The following DENND1A variants were observed in gnomAD, a reference collection of about 807,000 sequenced individuals.
DENND1A encodes the protein DENN domain-containing protein 1A.
In DENND1A, 51 loss-of-function variants were observed where a neutral mutation model predicts 113.7. That is an observed-to-expected ratio of 0.45 (90% CI 0.36 to 0.57). The LOEUF is 0.57. DENND1A is among the 20% of genes least tolerant of loss of function. The probability of loss-of-function intolerance (pLI) is 0.00; values close to 1 mark genes in which losing one functional copy is unlikely to be tolerated. For missense variants in DENND1A, 1,258 were observed against 1,395.9 expected (o/e 0.90, Z 1.57); for synonymous variants, 565 against 570.8 (o/e 0.99, Z 0.14).
At chr9:123,679,190 G>A (rs2064283884) in intron 5 of DENND1A, among the ~76,000 whole-genome samples, 1 of 152,186 alleles carries the variant, frequency 6.6e-6, no homozygotes, top group Non-Finnish European at 1.5e-5. Flanking sequence ...AATATTTGGT[G>A]AAGTGATATG....
intron 5 of DENND1A, among the ~76,000 whole-genome samples, chr9:123,719,110 C>T (rs1219976383): frequency 6.6e-6 from 1 of 152,204 alleles, no homozygotes; most frequent in Non-Finnish European, 1.5e-5. Flanking sequence ...CCTCCCCAGG[C>T]ATGAGGAACT....
Position 123,681,093 on chromosome 9 carries a change from G to A in DENND1A, c.303-4304C>T, listed in dbSNP as rs528140295. Among the ~76,000 whole-genome samples the A allele has an allele frequency of 3.8e-4, 58 of 152,240 alleles. No homozygotes were observed. The South Asian group carries it at 9.1e-3, about 24-fold the overall frequency. ...AGGGGCCTAGTAAGGGAAAGTCAGC[G>A]TCTGAGCAGGATGAGGAGGGAGTCT... On this transcript the variant is annotated intron_variant, in intron 5 of 23. Transcript: ENST00000394215.
chr9:123,823,835 G>T (rs571480721), intron 2 of DENND1A, among the ~76,000 whole-genome samples: 1 of 152,256 alleles, frequency 6.6e-6, no homozygotes, highest in African/African-American at 2.4e-5. Context: ...AACACCAAGA[G>T]AGACGGAGGG....
At chr9:123,615,698 C>T (rs916363972) in intron 10 of DENND1A, among the ~76,000 whole-genome samples, 8 of 152,154 alleles carry the variant, frequency 5.3e-5, no homozygotes, top group Non-Finnish European at 7.4e-5. Flanking sequence ...GGCTTTTGTC[C>T]GGGTTACCCA....
chr9:123,395,288 A>AAG (rs2043055784), intron 21 of DENND1A, among the ~76,000 whole-genome samples: 1 of 152,058 alleles, frequency 6.6e-6, no homozygotes, highest in South Asian at 2.1e-4. Context: ...TGCCAGGCAG[A>AAG]AGAGGCGACA....
chr9:123,595,733 A>G (rs551057123), intron 11 of DENND1A, among the ~76,000 whole-genome samples: 3 of 152,188 alleles, frequency 2.0e-5, no homozygotes, highest in African/African-American at 7.2e-5. Flanking sequence ...AGGGTTGTTG[A>G]AAAGATTGGG....
At chr9:123,612,841 C>G (rs2137846390) in intron 10 of DENND1A, among the ~76,000 whole-genome samples, 1 of 152,302 alleles carries the variant, frequency 6.6e-6, no homozygotes, top group African/African-American at 2.4e-5. Flanking sequence ...TAGTAGAAAT[C>G]TTTCAGGATT....
intron 2 of DENND1A, among the ~76,000 whole-genome samples, chr9:123,856,949 A>C (rs545266799): frequency 7.2e-5 from 11 of 152,288 alleles, no homozygotes; most frequent in South Asian, 6.2e-4. Flanking sequence ...AACTTGAATG[A>C]ATCGGTGGTA....
intron 1 of DENND1A, among the ~76,000 whole-genome samples, chr9:123,909,099 C>CA (rs1588193057): frequency 6.6e-6 from 1 of 151,018 alleles, no homozygotes; most frequent in African/African-American, 2.4e-5. Flanking sequence ...ATCGCAAGAA[C>CA]AAAAAACCAA....
At chr9:123,626,366 G>A (rs567646088) in intron 10 of DENND1A, among the ~76,000 whole-genome samples, 1 of 152,008 alleles carries the variant, frequency 6.6e-6, no homozygotes, top group Non-Finnish European at 1.5e-5. Context: ...GGGGGAGAGG[G>A]GATGGCAGCA....
At chr9:123,674,416 C>G (rs1391688116) in intron 6 of DENND1A, among the ~76,000 whole-genome samples, 1 of 151,288 alleles carries the variant, frequency 6.6e-6, no homozygotes, top group Non-Finnish European at 1.5e-5. Context: ...TCTTGCTTCC[C>G]AACCTTCCCA....
At chr9:123,794,670 T>C (rs1381722387) in intron 2 of DENND1A, among the ~76,000 whole-genome samples, 1 of 152,178 alleles carries the variant, frequency 6.6e-6, no homozygotes, top group African/African-American at 2.4e-5. Context: ...AGTATATTCT[T>C]CAATTTTTAA....
chr9:123,549,941 AC>A (rs2135842060), intron 13 of DENND1A, among the ~76,000 whole-genome samples: 1 of 152,318 alleles, frequency 6.6e-6, no homozygotes, highest in East Asian at 1.9e-4. Flanking sequence ...AAATCCGAAA[AC>A]AGTTTTTATT....
chr9:123,384,033 G>T lies in DENND1A; in HGVS notation c.1761-120C>A, dbSNP rs887079556. ...GCACGCAGGGGCCTGCGGGACAGGA[G>T]AGTGTCCCGGGGTCTCCGTGAGGGC... On this transcript the variant is annotated intron_variant, in intron 22 of 23. Transcript: ENST00000394215. The T allele has an allele frequency of 1.9e-5, 25 of 1,341,196 alleles. No homozygotes were observed. In the African/African-American group the frequency reaches 3.3e-4, roughly 18 times the overall value. The allele number at this position is 1,341,196 out of a possible 1,614,324, so 83.1% of individuals were successfully genotyped here. A position where few individuals can be genotyped will look rare whatever the true frequency, so the allele number is the denominator to read the frequency against.
At chr9:123,519,886 G>A (rs183917175) in intron 13 of DENND1A, among the ~76,000 whole-genome samples, 7 of 152,222 alleles carry the variant, frequency 4.6e-5, no homozygotes, top group East Asian at 1.9e-4. Flanking sequence ...CAGGCTGGGC[G>A]CGGTGGCTCA....
chr9:123,415,897 G>A (rs1455576018), intron 19 of DENND1A, among the ~76,000 whole-genome samples: 1 of 152,148 alleles, frequency 6.6e-6, no homozygotes, highest in Non-Finnish European at 1.5e-5. Flanking sequence ...GTCCCCAGCT[G>A]GGGACACAGA....
chr9:123,562,723 A>G (rs1434734633), intron 12 of DENND1A, among the ~76,000 whole-genome samples: 1 of 152,150 alleles, frequency 6.6e-6, no homozygotes, highest in African/African-American at 2.4e-5. Flanking sequence ...TTTTTCTTTA[A>G]TAGTCAAATT....
At chr9:123,651,024 T>C (rs2062621779) in intron 9 of DENND1A, among the ~76,000 whole-genome samples, 1 of 151,650 alleles carries the variant, frequency 6.6e-6, no homozygotes, top group African/African-American at 2.4e-5. Context: ...TAGATGGAAG[T>C]ATATCAGCAT....
intron 1 of DENND1A, among the ~76,000 whole-genome samples, chr9:123,902,218 C>A (rs113262246): frequency 6.7e-6 from 1 of 148,786 alleles, no homozygotes; most frequent in Non-Finnish European, 1.5e-5. Context: ...TACACACACA[C>A]GTAGAGACAG....
Sources: allele counts gnomAD v4.1 joint callset (sites outside exome capture counted in the v4.1 genomes callset), GRCh38; gene constraint gnomAD v4.1.1; transcripts MANE v1.5; gene names NCBI Gene and HGNC (gene_info 2026-07-23, HGNC 2026-07-21).